Variants in WDR49 observed in about 807,000 individuals in gnomAD.
WDR49 encodes WD repeat domain 49.
In WDR49, 107 loss-of-function variants were observed where a neutral mutation model predicts 119.5. That is an observed-to-expected ratio of 0.90 (90% CI 0.77 to 1.05). The LOEUF is 1.05. Among genes scored for constraint, WDR49 ranks in the 50% least tolerant of loss-of-function variants. The pLI is 0.00. For missense variants in WDR49, 1,240 were observed against 1,220.5 expected (o/e 1.02, Z -0.24); for synonymous variants, 425 against 418.8 (o/e 1.01, Z -0.18).
intron 16 of WDR49, among the ~76,000 whole-genome samples, chr3:167,506,481 T>G (rs1043388771): frequency 2.0e-5 from 3 of 152,236 alleles, no homozygotes; most frequent in Admixed American, 1.3e-4. Flanking sequence ...GTAAAAAGTC[T>G]GTGTATCTCT....
At chr3:167,580,500 A>C (rs1714479149) in intron 7 of WDR49, among the ~76,000 whole-genome samples, 1 of 152,098 alleles carries the variant, frequency 6.6e-6, no homozygotes, top group Non-Finnish European at 1.5e-5. Context: ...TTAGTTTTTT[A>C]TTCCCAGGCA....
chr3:167,529,472 GT>G (rs1169710601), intron 13 of WDR49, among the ~76,000 whole-genome samples: 2 of 152,054 alleles, frequency 1.3e-5, no homozygotes, highest in Non-Finnish European at 1.5e-5. Flanking sequence ...GTTCCATTAC[GT>G]TTAGTTCCCT....
At chr3:167,570,880 G>A (rs186030833) in intron 8 of WDR49, among the ~76,000 whole-genome samples, 3 of 151,992 alleles carry the variant, frequency 2.0e-5, no homozygotes, top group Non-Finnish European at 4.4e-5. Context: ...TACTAAAAAC[G>A]TGAAAAGTAG....
At chr3:167,504,532 AC>A (rs1221252692) in intron 17 of WDR49, among the ~76,000 whole-genome samples, 1 of 152,150 alleles carries the variant, frequency 6.6e-6, no homozygotes, top group Non-Finnish European at 1.5e-5. Flanking sequence ...AAAGTAAATG[AC>A]TTTTTTATTT....
At position 167,630,112 on chromosome 3, in the gene WDR49, G is replaced by A. The variant is rs185142164; in HGVS notation, c.166-2820C>T. 2.3e-3 allele frequency among the ~76,000 whole-genome samples: 346 copies of A among 152,176 alleles called. 1 individual carries two copies. Among genetic ancestry groups the A allele is most frequent in the African/African-American group, 7.8e-3 (323 of 41,552 alleles). On this transcript the variant is annotated intron_variant, in intron 2 of 18. Coordinates refer to ENST00000682715, the MANE Select transcript of WDR49 (RefSeq NM_001366157.1). ...ACTGTGAAATAGATCTCATGCTACA[G>A]AGAAATCTTTCATGAAAGGAAGAAT...
rs1057488262 is a variant in WDR49 at position 167,498,565 on chromosome 3, G to A, written c.3031+1588C>T. Among the ~76,000 whole-genome samples, 6 of 152,202 alleles carry A rather than the reference G, an allele frequency of 3.9e-5. No individual in the cohort carries two copies. The South Asian group carries it at 1.0e-3, about 26-fold the overall frequency. On this transcript the variant is annotated intron_variant, in intron 18 of 18. Transcript: ENST00000682715. ...GGGACAAAGTTTCTCTGTGCTCTGG[G>A]GGAGGTGATGACAAGTTTTAAAAGG... is the stretch of plus-strand genomic sequence containing the variant.
At chr3:167,545,509 T>TATATATATATATATATATATATA (rs535132359) in intron 10 of WDR49, among the ~76,000 whole-genome samples, 1,495 of 106,688 alleles carry the variant, frequency 0.014, 64 homozygotes, top group Non-Finnish European at 0.02. Flanking sequence ...ATATTATATA[T>TATATATATATATATATATATATA]TATATATATA....
chr3:167,566,933 C>A, intron 8 of WDR49: 1 of 638,342 alleles, frequency 1.6e-6, no homozygotes, highest in Non-Finnish European at 2.8e-6. Context: ...CTTACTGTCT[C>A]GGGGTGACAG....
chr3:167,549,040 G>T (rs1055525640), intron 10 of WDR49, among the ~76,000 whole-genome samples: 2 of 152,124 alleles, frequency 1.3e-5, no homozygotes, highest in African/African-American at 4.8e-5. Context: ...TTTTATGGCT[G>T]CATAATATTG....
chr3:167,635,384 T>A (rs908502956), intron 2 of WDR49, among the ~76,000 whole-genome samples: 3 of 151,870 alleles, frequency 2.0e-5, no homozygotes, highest in African/African-American at 7.2e-5. Flanking sequence ...TGCTAAAGTA[T>A]AGTTCTATTA....
chr3:167,657,874 C>T (rs1033219964), upstream of WDR49, among the ~76,000 whole-genome samples: 3 of 152,208 alleles, frequency 2.0e-5, no homozygotes, highest in African/African-American at 4.8e-5. Context: ...CCCCAGACAC[C>T]CGCTGGCTCT....
chr3:167,486,254 T>C (rs2108192807), intron 18 of WDR49, among the ~76,000 whole-genome samples: 1 of 152,170 alleles, frequency 6.6e-6, no homozygotes, highest in South Asian at 2.1e-4. Context: ...CTTAAAGGCA[T>C]CCTAAATATA....
At chr3:167,571,763 G>T (rs146764757) in intron 8 of WDR49, among the ~76,000 whole-genome samples, 2 of 152,236 alleles carry the variant, frequency 1.3e-5, no homozygotes, top group South Asian at 4.1e-4. Context: ...TTACTGCATT[G>T]CTTTAATTTC....
At chr3:167,530,577 A>T (rs1426278259) in intron 13 of WDR49, among the ~76,000 whole-genome samples, 1 of 152,094 alleles carries the variant, frequency 6.6e-6, no homozygotes, top group Middle Eastern at 3.2e-3. Flanking sequence ...CTTAAAAAAA[A>T]AAACAAAACG....
At chr3:167,539,293 A>G (rs1479381454) in intron 10 of WDR49, among the ~76,000 whole-genome samples, 1 of 152,098 alleles carries the variant, frequency 6.6e-6, no homozygotes, top group Non-Finnish European at 1.5e-5. Context: ...TTCTTGTCCA[A>G]CCCAAACAAT....
chr3:167,529,340 G>A, intron 13 of WDR49, 101 bp from the exon 14 acceptor site: 2 of 1,070,602 alleles, frequency 1.9e-6, no homozygotes, highest in East Asian at 5.2e-5. Flanking sequence ...ATGTTGAAGA[G>A]GTGAGTAGCC....
chr3:167,655,785 C>A (rs1253830875), upstream of WDR49, among the ~76,000 whole-genome samples: 2 of 152,096 alleles, frequency 1.3e-5, no homozygotes, highest in Non-Finnish European at 1.5e-5. Context: ...GTAATCCCAG[C>A]TACTTGGGAG....
chr3:167,558,897 C>A (rs985351750), intron 9 of WDR49, among the ~76,000 whole-genome samples: 2 of 152,176 alleles, frequency 1.3e-5, no homozygotes, highest in Non-Finnish European at 2.9e-5. Context: ...TTGCCTGAAC[C>A]ACTGTCTAAT....
chr3:167,547,689 T>G (rs1043012369), intron 10 of WDR49, among the ~76,000 whole-genome samples: 2 of 151,322 alleles, frequency 1.3e-5, no homozygotes, highest in African/African-American at 4.8e-5. Context: ...AAATATTTAT[T>G]TGCTTACCAA....
Sources: gnomAD v4.1 joint callset for allele counts (sites outside exome capture counted in the v4.1 genomes callset) on GRCh38, gnomAD v4.1.1 for gene constraint, MANE v1.5 for transcripts, NCBI Gene and HGNC (gene_info 2026-07-23, HGNC 2026-07-21) for gene names.